Variants in CLN5 observed in about 807,000 individuals in gnomAD.
CLN5 encodes CLN5 lysosomal BMP synthase.
In CLN5, 34 loss-of-function variants were observed where a neutral mutation model predicts 36.7. The observed-to-expected ratio is 0.93, with a 90% confidence interval of 0.71 to 1.23. The LOEUF (loss-of-function observed/expected upper bound fraction) is 1.23. Among genes scored for constraint, CLN5 ranks in the 50% most tolerant of loss-of-function variants. CLN5 has a pLI of 0.00. For synonymous variants in CLN5, 151 were observed against 155.1 expected, an observed-to-expected ratio of 0.97 and a Z score of 0.20; for missense variants, 427 against 439.4, an observed-to-expected ratio of 0.97 and a Z score of 0.25.
At chr13:76,995,330 C>A in intron 2 of CLN5, 102 bp downstream of exon 2, 1 of 1,053,778 alleles carries the variant, frequency 9.5e-7, no homozygotes, top group Non-Finnish European at 1.5e-6. Flanking sequence ...GACTTTAGAT[C>A]ATGTTGGTGT....
At chr13:76,993,752 T>C (rs2034218775) in intron 1 of CLN5, 1 of 152,224 alleles carries the variant, frequency 6.6e-6, no homozygotes, top group Non-Finnish European at 1.5e-5. Flanking sequence ...GCAGAAACTT[T>C]TGGGAGCGTC....
In CLN5 at chr13:77,002,882, C is replaced by CAA. The variant is rs1343008804; in HGVS notation, c.*1915_*1916dup. 6.6e-6 allele frequency: 1 copy of CAA among 152,092 alleles called. No homozygotes were observed. Among genetic ancestry groups the CAA allele is most frequent in the East Asian group, 1.9e-4 (1 of 5,200 alleles). 9.4% of individuals were successfully genotyped at this position (152,092 alleles called of 1,614,324 possible). A position where few individuals can be genotyped will look rare whatever the true frequency, so the allele number is the denominator to read the frequency against. The stretch of plus-strand genomic sequence containing the variant: ...GATTTCCAGAACTGCCTTGAAGAGA[C>CAA]AAAGATTCTTGTACCAAGTTTTGGT... On this transcript the variant is annotated 3_prime_UTR_variant, in exon 4 of 4. Coordinates refer to ENST00000377453, the MANE Select transcript of CLN5 (RefSeq NM_006493.4).
rs267606738 is a variant in CLN5 at position 76,995,119 on chromosome 13, G to A, written c.230G>A (p.Cys77Tyr). The A allele has an allele frequency of 6.2e-7, 1 of 1,614,108 alleles. No individual in the cohort carries two copies. Among genetic ancestry groups the A allele is most frequent in the Non-Finnish European group, 8.5e-7 (1 of 1,179,996 alleles). ...TATTGTCAAGCTAAGTATACTTTCTGTCCAACTGGCTCACCTATCCCAGTT... is the reference window on the plus strand; with the variant it reads ...TATTGTCAAGCTAAGTATACTTTCTATCCAACTGGCTCACCTATCCCAGTT... ...DPYCQAKYTF[C>Y]PTGSPIPVME... is the part of the protein sequence containing the mutation. The change falls in exon 2 of 4, where the codon TGT becomes TAT. Residue 77 changes from cysteine (C) to tyrosine (Y), a missense_variant. Transcript: ENST00000377453.
In CLN5 at chr13:76,995,116, T is replaced by C. The variant is rs757462449; in HGVS notation, c.227T>C (p.Phe76Ser). 6.2e-7 allele frequency: 1 copy of C among 1,614,144 alleles called. No individual in the cohort carries two copies. Among genetic ancestry groups the C allele is most frequent in the East Asian group, 2.2e-5 (1 of 44,870 alleles). ...CCTTATTGTCAAGCTAAGTATACTT[T>C]CTGTCCAACTGGCTCACCTATCCCA... is the stretch of plus-strand genomic sequence containing the variant. ...PDPYCQAKYT[F>S]CPTGSPIPVM... The change falls in exon 2 of 4, where the codon TTC becomes TCC. Residue 76 changes from phenylalanine to serine, a missense_variant. Phe to Ser is a radical substitution (Grantham distance 155). Coordinates refer to ENST00000377453, the MANE Select transcript of CLN5 (RefSeq NM_006493.4).
Position 76,992,209 on chromosome 13 carries a change from G to A in CLN5, c.111G>A (p.Val37=). The change falls in exon 1 of 4, where the codon GTG becomes GTA. Residue 37 remains valine (V), a synonymous_variant. Coordinates refer to ENST00000377453, the MANE Select transcript of CLN5 (RefSeq NM_006493.4). ...CCCTGGCGCTGCTTTGGCTCGCGGT[G>A]GTTCCGGGCTGGTCCCGGGTCTCGG... ...CWALALLWLA[V]VPGWSRVSGI... The A allele has an allele frequency of 6.2e-7, 1 of 1,602,362 alleles. No individual in the cohort carries two copies. Among genetic ancestry groups the A allele is most frequent in the South Asian group, 1.1e-5 (1 of 90,406 alleles).
Position 77,000,833 on chromosome 13 carries a change from C to T in CLN5, c.941C>T (p.Ala314Val). The change falls in exon 4 of 4, where the codon GCA becomes GTA. Residue 314 changes from alanine (A) to valine (V), a missense_variant. Ala to Val is a moderately conservative substitution (Grantham distance 64). Coordinates refer to ENST00000377453, the MANE Select transcript of CLN5 (RefSeq NM_006493.4). ...FLLSLLQIFD[A>V]VIVHKQFYLF... ...TTGAGTCTCTTGCAAATTTTTGATG[C>T]AGTGATTGTGCACAAACAGTTCTAT... 1 of 1,608,722 alleles carries T rather than the reference C, an allele frequency of 6.2e-7. No individual in the cohort carries two copies. Among genetic ancestry groups the T allele is most frequent in the Non-Finnish European group, 8.5e-7 (1 of 1,177,982 alleles).
In CLN5 at chr13:77,000,840, T is replaced by C; in HGVS notation, c.948T>C (p.Ile316=). 1 of 1,607,640 alleles carries C rather than the reference T, an allele frequency of 6.2e-7. No individual in the cohort carries two copies. ...TCTTGCAAATTTTTGATGCAGTGATTGTGCACAAACAGTTCTATTTGTTTT... is the reference window on the plus strand; with the variant it reads ...TCTTGCAAATTTTTGATGCAGTGATCGTGCACAAACAGTTCTATTTGTTTT... ...LSLLQIFDAV[I]VHKQFYLFYN... The change falls in exon 4 of 4, where the codon ATT becomes ATC. Residue 316 remains isoleucine, a synonymous_variant. Transcript: ENST00000377453.
In CLN5 at chr13:76,995,232, A is replaced by G. The variant is rs750610277; in HGVS notation, c.339+4A>G. Reference sequence around the variant, plus strand: ...TGGAGACCTCCTGGGACACTTGGTAAGGATGCATCTTGGTCTTATAACTTT... The same window carrying G: ...TGGAGACCTCCTGGGACACTTGGTAGGGATGCATCTTGGTCTTATAACTTT... On this transcript the variant is annotated splice_donor_region_variant and intron_variant, in intron 2 of 3. Coordinates refer to ENST00000377453, the MANE Select transcript of CLN5 (RefSeq NM_006493.4). The G allele has an allele frequency of 6.2e-7, 1 of 1,613,730 alleles. No homozygotes were observed. The highest frequency in any genetic ancestry group is 8.5e-7 in the Non-Finnish European group (1 of 1,179,650).
At position 77,003,851 on chromosome 13, in the gene CLN5, G is replaced by A. The variant is rs746265964; in HGVS notation, c.*2882G>A. ...AGTCCCAGCTACTTGGGAGGCTGAG[G>A]CAGGAGAATCACTTGAATCCAGGAG... On this transcript the variant is annotated 3_prime_UTR_variant, in exon 4 of 4. Transcript: ENST00000377453. The A allele has an allele frequency of 2.6e-5, 4 of 152,218 alleles. No homozygotes were observed. Among genetic ancestry groups the A allele is most frequent in the Non-Finnish European group, 1.5e-5 (1 of 68,104 alleles). The allele number at this position is 152,218 out of a possible 1,614,324, so 9.4% of individuals were successfully genotyped here.
chr13:76,992,687 G>T, intron 1 of CLN5: 1 of 215,980 alleles, frequency 4.6e-6, no homozygotes, highest in Non-Finnish European at 9.2e-6. Context: ...TTTACTGGGC[G>T]ACCAACTCGC....
rs908348210 is a variant in CLN5, at chr13:77,003,693, A to G, written c.*2724A>G. On this transcript the variant is annotated 3_prime_UTR_variant, in exon 4 of 4. Coordinates refer to ENST00000377453, the MANE Select transcript of CLN5 (RefSeq NM_006493.4). ...TGCGGTGGCTTATGCCTGTAATCCT[A>G]ACACATACTTTGGGAGGCCAAGGTG... 2 of 152,218 alleles carry G rather than the reference A, an allele frequency of 1.3e-5. No homozygotes were observed. Among genetic ancestry groups the G allele is most frequent in the African/African-American group, 4.8e-5 (2 of 41,444 alleles). The allele number at this position is 152,218 out of a possible 1,614,324, so 9.4% of individuals were successfully genotyped here. A position where few individuals can be genotyped will look rare whatever the true frequency, so the allele number is the denominator to read the frequency against.
At chr13:76,992,611 ACTGT>A in intron 1 of CLN5, 1 of 420,950 alleles carries the variant, frequency 2.4e-6, no homozygotes, top group Non-Finnish European at 4.2e-6. Flanking sequence ...GTTTAAAAAC[ACTGT>A]CTATCGCATT....
Position 76,995,337 on chromosome 13 carries a change from G to T in CLN5, c.339+109G>T, listed in dbSNP as rs2034247363. 5 of 1,012,396 alleles carry T rather than the reference G, an allele frequency of 4.9e-6. No individual in the cohort carries two copies. The South Asian group carries it at 5.1e-5, about 10-fold the overall frequency. The allele number at this position is 1,012,396 out of a possible 1,614,324, so 62.7% of individuals were successfully genotyped here. ...AGATGGCTGACTTTAGATCATGTTG[G>T]TGTTTGTCTTAGTACATTTAAAATG... On this transcript the variant is annotated intron_variant, in intron 2 of 3. Coordinates refer to ENST00000377453, the MANE Select transcript of CLN5 (RefSeq NM_006493.4).
At chr13:76,992,512 A>C (rs2034198532) in intron 1 of CLN5, 1 of 577,748 alleles carries the variant, frequency 1.7e-6, no homozygotes, top group South Asian at 2.1e-5. Flanking sequence ...CGGCAGACTC[A>C]GGACAGTCCT....
Position 76,996,126 on chromosome 13 carries a change from A to G in CLN5, c.564A>G (p.Ser188=), listed in dbSNP as rs560098585. The G allele has an allele frequency of 3.1e-6, 5 of 1,610,378 alleles. No individual in the cohort carries two copies. In the South Asian group the frequency reaches 5.5e-5, roughly 18 times the overall value. The change falls in exon 3 of 4, where the codon TCA becomes TCG. Residue 188 remains serine, a splice_region_variant and synonymous_variant. Coordinates refer to ENST00000377453, the MANE Select transcript of CLN5 (RefSeq NM_006493.4). ...CATTAGTTCAAGTAGCAACTATATC[A>G]GGTAAGTTGTGAAAATATAGCAATA... ...NGTLVQVATI[S]GNMFNQMAKW... is the part of the protein sequence containing the mutation.
At chr13:76,995,526 G>A in intron 2 of CLN5, 1 of 498,138 alleles carries the variant, frequency 2.0e-6, no homozygotes. Flanking sequence ...AACACCTCTT[G>A]ATTTCCATAC....
chr13:76,995,352 C>CAT, intron 2 of CLN5, 124 bp downstream of exon 2: 5 of 886,850 alleles, frequency 5.6e-6, no homozygotes, highest in Non-Finnish European at 9.3e-6. Flanking sequence ...TGTCTTAGTA[C>CAT]ATTTAAAATG....
At chr13:76,995,351 A>G in intron 2 of CLN5, 123 bp downstream of exon 2, 1 of 909,816 alleles carries the variant, frequency 1.1e-6, no homozygotes, top group Non-Finnish European at 1.8e-6. Context: ...TTGTCTTAGT[A>G]CATTTAAAAT....
chr13:76,992,390 G>A (rs2034196047), intron 1 of CLN5, 119 bp downstream of exon 1: 2 of 1,180,242 alleles, frequency 1.7e-6, no homozygotes, highest in Non-Finnish European at 2.3e-6. Flanking sequence ...GATGGTGCGG[G>A]GACAGCGCCG....
Sources: allele counts gnomAD v4.1 joint callset, GRCh38; gene constraint gnomAD v4.1.1; transcripts MANE v1.5; gene names NCBI Gene and HGNC (gene_info 2026-07-23, HGNC 2026-07-21).